Variants in CADM2 observed in about 807,000 individuals in gnomAD.
CADM2 encodes the protein immunoglobulin superfamily member 4D.
A neutral mutation model predicts 49.8 loss-of-function variants in CADM2; 12 were observed. The ratio of observed to expected loss-of-function variants is 0.24; its 90% CI spans 0.15 to 0.39. The LOEUF is 0.39. Among genes scored for constraint, CADM2 ranks in the 10% least tolerant of loss-of-function variants. The pLI, the probability that CADM2 is intolerant of heterozygous loss-of-function variation, is 1.00. For missense variants in CADM2, 378 were observed against 492.3 expected, an observed-to-expected ratio of 0.77 and a Z score of 2.20; for synonymous variants, 214 against 175.4, an observed-to-expected ratio of 1.22 and a Z score of -1.74.
At chr3:84,987,965 G>C (rs1022769567) in intron 1 of CADM2, among the ~76,000 whole-genome samples, 2 of 152,162 alleles carry the variant, frequency 1.3e-5, no homozygotes, top group Admixed American at 1.3e-4. Context: ...CCCTCGTATA[G>C]GGGGTGGAAG....
chr3:85,018,106 T>TTA (rs1331749480), intron 1 of CADM2, among the ~76,000 whole-genome samples: 1 of 152,182 alleles, frequency 6.6e-6, no homozygotes, highest in Non-Finnish European at 1.5e-5. Context: ...CGTTCTATTA[T>TTA]TATTGCTTTA....
At chr3:85,282,250 GCTTTTTTTTTTTTTTGC>G (rs1279521127) in intron 1 of CADM2, among the ~76,000 whole-genome samples, 1 of 128,624 alleles carries the variant, frequency 7.8e-6, no homozygotes, top group African/African-American at 3.0e-5. Context: ...TGGTTTGGGG[GCTTTTTTTTTTTTTTGC>G]CTTTTTTTTT....
intron 7 of CADM2, among the ~76,000 whole-genome samples, chr3:85,950,417 A>G (rs575283922): frequency 1.3e-5 from 2 of 151,380 alleles, no homozygotes; most frequent in Non-Finnish European, 3.0e-5. Context: ...ATCTTTTCTA[A>G]GGATAATCTT....
At chr3:85,509,238 G>C (rs1170256381) in intron 1 of CADM2, among the ~76,000 whole-genome samples, 1 of 152,150 alleles carries the variant, frequency 6.6e-6, no homozygotes, top group Non-Finnish European at 1.5e-5. Context: ...GGGGGCAGTA[G>C]CAGGAAGAGG....
intron 1 of CADM2, among the ~76,000 whole-genome samples, chr3:84,979,056 G>C (rs1322614394): frequency 1.3e-5 from 2 of 151,902 alleles, no homozygotes; most frequent in Non-Finnish European, 2.9e-5. Context: ...CTCAGAGGGT[G>C]TTAGGCTTGG....
chr3:85,426,800 T>C (rs1025326205), intron 1 of CADM2, among the ~76,000 whole-genome samples: 4 of 152,136 alleles, frequency 2.6e-5, no homozygotes, highest in Non-Finnish European at 4.4e-5. Flanking sequence ...CAGAACTACC[T>C]GCTTTAACAG....
intron 1 of CADM2, among the ~76,000 whole-genome samples, chr3:85,570,202 T>G (rs1284199710): frequency 6.6e-6 from 1 of 152,142 alleles, no homozygotes; most frequent in Non-Finnish European, 1.5e-5. Flanking sequence ...TATTTAGAAA[T>G]CTGCCTGTCT....
intron 1 of CADM2, among the ~76,000 whole-genome samples, chr3:85,696,669 G>A (rs2066566959): frequency 6.6e-6 from 1 of 151,820 alleles, no homozygotes; most frequent in African/African-American, 2.4e-5. Flanking sequence ...TTTATTAGGA[G>A]GTCAGTACAT....
chr3:85,163,931 C>G (rs1446074919), intron 1 of CADM2, among the ~76,000 whole-genome samples: 1 of 151,914 alleles, frequency 6.6e-6, no homozygotes, highest in Non-Finnish European at 1.5e-5. Flanking sequence ...TTTCATACAC[C>G]CTGTACTCTC....
chr3:85,509,545 T>C (rs2040516132), intron 1 of CADM2, among the ~76,000 whole-genome samples: 1 of 152,140 alleles, frequency 6.6e-6, no homozygotes, highest in African/African-American at 2.4e-5. Flanking sequence ...ATTAACTGTT[T>C]TTAGCTTTTT....
At chr3:85,422,255 G>A (rs2036204897) in intron 1 of CADM2, among the ~76,000 whole-genome samples, 2 of 151,854 alleles carry the variant, frequency 1.3e-5, no homozygotes, top group Admixed American at 1.3e-4. Flanking sequence ...CAAGAAGCAG[G>A]TTTAATTATT....
At chr3:85,658,283 A>G (rs1315071173) in intron 1 of CADM2, among the ~76,000 whole-genome samples, 1 of 151,974 alleles carries the variant, frequency 6.6e-6, no homozygotes, top group Non-Finnish European at 1.5e-5. Flanking sequence ...AATCCAAGGA[A>G]TGCCAAATAC....
At chr3:85,285,609 G>A (rs541260970) in intron 1 of CADM2, among the ~76,000 whole-genome samples, 9 of 151,976 alleles carry the variant, frequency 5.9e-5, no homozygotes, top group Admixed American at 5.3e-4. Flanking sequence ...ATAAAATATG[G>A]TTGCAAAATT....
chr3:85,850,312 T>G (rs1169068271), intron 3 of CADM2, among the ~76,000 whole-genome samples: 2 of 119,814 alleles, frequency 1.7e-5, no homozygotes, highest in Non-Finnish European at 1.6e-5. Flanking sequence ...TCTGTTGCAA[T>G]TCTTTTTTTT....
chr3:84,991,142 T>C (rs1283787270), intron 1 of CADM2, among the ~76,000 whole-genome samples: 1 of 152,098 alleles, frequency 6.6e-6, no homozygotes, highest in East Asian at 1.9e-4. Context: ...TGTACTCTTC[T>C]CATGGCCTGC....
chr3:85,844,923 G>A (rs1470436761), intron 3 of CADM2, among the ~76,000 whole-genome samples: 1 of 151,884 alleles, frequency 6.6e-6, no homozygotes, highest in Non-Finnish European at 1.5e-5. Context: ...GGCTGGGGTG[G>A]GAGGATACGT....
intron 1 of CADM2, among the ~76,000 whole-genome samples, chr3:85,043,040 G>A (rs1307692113): frequency 6.6e-6 from 1 of 152,244 alleles, no homozygotes; most frequent in African/African-American, 2.4e-5. Flanking sequence ...AAAGGCATTT[G>A]AGCTAGGGGT....
chr3:85,620,897 A>G (rs1308264370), intron 1 of CADM2, among the ~76,000 whole-genome samples: 1 of 152,234 alleles, frequency 6.6e-6, no homozygotes, highest in East Asian at 1.9e-4. Context: ...ATACCACTTT[A>G]TATGACAGTC....
At chr3:85,152,242 G>T (rs570954685) in intron 1 of CADM2, among the ~76,000 whole-genome samples, 2 of 152,168 alleles carry the variant, frequency 1.3e-5, no homozygotes, top group South Asian at 2.1e-4. Flanking sequence ...TTTACTTTCA[G>T]ATCTAATATT....
Sources: gnomAD v4.1 joint callset for allele counts (sites outside exome capture counted in the v4.1 genomes callset) on GRCh38, gnomAD v4.1.1 for gene constraint, MANE v1.5 for transcripts, NCBI Gene and HGNC (gene_info 2026-07-23, HGNC 2026-07-21) for gene names.